The following MCPH1 variants were observed in gnomAD, a reference collection of about 807,000 sequenced individuals.
MCPH1 encodes the protein microcephalin.
MCPH1 carries 104 observed loss-of-function variants against 84.5 expected under a neutral mutation model. That is an observed-to-expected ratio of 1.23 (90% CI 1.05 to 1.45). The LOEUF (loss-of-function observed/expected upper bound fraction) is 1.45, where lower values mean the gene tolerates loss of function less well. Among genes scored for constraint, MCPH1 ranks in the 40% most tolerant of loss-of-function variants. MCPH1 has a pLI of 0.00. For synonymous variants in MCPH1, 514 were observed against 366.8 expected, an observed-to-expected ratio of 1.40 and a Z score of -4.58; for missense variants, 1,498 against 1,005.7, an observed-to-expected ratio of 1.49 and a Z score of -6.62.
At chr8:6,621,058 C>T in intron 12 of MCPH1, 2 of 317,196 alleles carry the variant, frequency 6.3e-6, no homozygotes, top group South Asian at 5.8e-5. Context: ...TCTCCCAGCA[C>T]AGCCGGCATT....
At chr8:6,433,762 T>C (rs1802206826) in intron 4 of MCPH1, among the ~76,000 whole-genome samples, 1 of 152,058 alleles carries the variant, frequency 6.6e-6, no homozygotes. Flanking sequence ...TTAATTTTCA[T>C]GTCTAAAAAC....
intron 12 of MCPH1, chr8:6,616,130 T>C (rs1294338509): frequency 6.6e-6 from 1 of 152,206 alleles, no homozygotes; most frequent in Non-Finnish European, 1.5e-5. Flanking sequence ...GAGTATTTCC[T>C]GGACCACTCA....
Position 6,442,299 on chromosome 8 carries a change from G to T in MCPH1, c.670+143G>T, listed in dbSNP as rs1431246458. ...CTTCTAAATTTCCCCCTGAAATTAG[G>T]TATTATAATAAAATTAAGGCATGAG... is the stretch of plus-strand genomic sequence containing the variant. On this transcript the variant is annotated intron_variant, in intron 7 of 13. Coordinates refer to ENST00000344683, the MANE Select transcript of MCPH1 (RefSeq NM_024596.5). 9.4e-6 allele frequency: 6 copies of T among 641,482 alleles called. No individual in the cohort carries two copies. The African/African-American group carries it at 1.1e-4, about 12-fold the overall frequency. 39.7% of individuals were successfully genotyped at this position (641,482 alleles called of 1,614,324 possible). A position where few individuals can be genotyped will look rare whatever the true frequency, so the allele number is the denominator to read the frequency against.
intron 12 of MCPH1, chr8:6,527,654 A>C: frequency 6.2e-7 from 1 of 1,613,896 alleles, no homozygotes; most frequent in Non-Finnish European, 8.5e-7. Context: ...CTGAAGTTCA[A>C]GTCTCGTGGT....
chr8:6,532,427 C>G, intron 12 of MCPH1: 6 of 1,614,130 alleles, frequency 3.7e-6, no homozygotes, highest in Non-Finnish European at 5.1e-6. Flanking sequence ...TGGTTCTGTA[C>G]TGCATTCTGC....
intron 12 of MCPH1, among the ~76,000 whole-genome samples, chr8:6,580,227 T>C (rs557342482): frequency 4.8e-4 from 73 of 152,120 alleles, no homozygotes; most frequent in Non-Finnish European, 5.9e-5. Context: ...AAGGGAAAGG[T>C]CTCCCCTGTA....
chr8:6,466,197 C>G (rs1043139155), intron 9 of MCPH1, among the ~76,000 whole-genome samples: 1 of 147,066 alleles, frequency 6.8e-6, no homozygotes, highest in African/African-American at 2.5e-5. Context: ...AGTGCAGTTG[C>G]GCGATCTTTG....
intron 11 of MCPH1, among the ~76,000 whole-genome samples, chr8:6,497,996 T>C (rs967995109): frequency 1.3e-5 from 2 of 152,152 alleles, no homozygotes; most frequent in Admixed American, 1.3e-4. Flanking sequence ...GAACAGGAAG[T>C]GTCATCCAGT....
At chr8:6,472,530 A>T (rs1807880870) in intron 9 of MCPH1, among the ~76,000 whole-genome samples, 1 of 152,090 alleles carries the variant, frequency 6.6e-6, no homozygotes, top group Non-Finnish European at 1.5e-5. Flanking sequence ...CATTGGCCCG[A>T]TCTTAGCTCA....
At chr8:6,435,082 G>T (rs915100376) in intron 4 of MCPH1, among the ~76,000 whole-genome samples, 2 of 152,208 alleles carry the variant, frequency 1.3e-5, no homozygotes, top group Non-Finnish European at 2.9e-5. Context: ...GTGGATATCA[G>T]CCTGGGGTTT....
intron 9 of MCPH1, among the ~76,000 whole-genome samples, chr8:6,465,841 C>A (rs1585927854): frequency 2.0e-5 from 3 of 152,264 alleles, no homozygotes; most frequent in Admixed American, 2.0e-4. Context: ...CTAGAATTTA[C>A]TTTAAATGTG....
chr8:6,590,211 A>C (rs10089101), intron 12 of MCPH1, among the ~76,000 whole-genome samples: 1,829 of 151,966 alleles, frequency 0.012, 32 homozygotes, highest in African/African-American at 0.04. Flanking sequence ...ACAACAAAAA[A>C]AAAAAAATAC....
intron 12 of MCPH1, among the ~76,000 whole-genome samples, chr8:6,525,989 G>A (rs1402807956): frequency 2.0e-5 from 3 of 152,146 alleles, no homozygotes; most frequent in African/African-American, 4.8e-5. Context: ...ATTAGGGTAT[G>A]TTCTACAAAC....
intron 11 of MCPH1, among the ~76,000 whole-genome samples, chr8:6,491,328 C>T (rs1810549256): frequency 6.7e-6 from 1 of 150,290 alleles, no homozygotes; most frequent in Non-Finnish European, 1.5e-5. Flanking sequence ...ATGGAGAATA[C>T]ACCTACCACT....
At chr8:6,466,320 G>A (rs1237004445) in intron 9 of MCPH1, among the ~76,000 whole-genome samples, 1 of 144,246 alleles carries the variant, frequency 6.9e-6, no homozygotes, top group African/African-American at 2.6e-5. Context: ...TTTTTTTTGA[G>A]ATGGAGTCTT....
At chr8:6,509,087 C>G in intron 12 of MCPH1, 1 of 1,609,992 alleles carries the variant, frequency 6.2e-7, no homozygotes, top group Non-Finnish European at 8.5e-7. Flanking sequence ...AGAAAAAAAA[C>G]ACATTGGCTA....
intron 12 of MCPH1, among the ~76,000 whole-genome samples, chr8:6,609,186 C>T (rs1042314996): frequency 5.3e-5 from 8 of 152,112 alleles, no homozygotes. Context: ...TGCATTTTAT[C>T]GTAATATTGA....
chr8:6,536,675 A>G (rs902587607), intron 12 of MCPH1, among the ~76,000 whole-genome samples: 1 of 152,192 alleles, frequency 6.6e-6, no homozygotes, highest in Non-Finnish European at 1.5e-5. Flanking sequence ...AAAAATGAAC[A>G]TTTCCAAATA....
At chr8:6,589,822 T>G (rs921263474) in intron 12 of MCPH1, among the ~76,000 whole-genome samples, 2 of 152,232 alleles carry the variant, frequency 1.3e-5, no homozygotes, top group Non-Finnish European at 2.9e-5. Flanking sequence ...CTTGTATACC[T>G]GAATTGTCAT....
Sources: gnomAD v4.1 joint callset for allele counts (sites outside exome capture counted in the v4.1 genomes callset) on GRCh38, gnomAD v4.1.1 for gene constraint, MANE v1.5 for transcripts, NCBI Gene and HGNC (gene_info 2026-07-23, HGNC 2026-07-21) for gene names.